DOCK7: variants seen among roughly 807,000 people sequenced by gnomAD.
DOCK7 encodes the protein dedicator of cytokinesis 7, also known as dedicator of cytokinesis protein 7.
DOCK7 carries 138 observed loss-of-function variants against 271.0 expected under a neutral mutation model. The observed-to-expected ratio is 0.51, with a 90% CI of 0.44 to 0.59. DOCK7 has a LOEUF of 0.59. Among genes scored for constraint, DOCK7 ranks in the 20% least tolerant of loss-of-function variants. The pLI is 0.00. For synonymous variants in DOCK7, 823 were observed against 876.1 expected, an observed-to-expected ratio of 0.94 and a Z score of 1.07; for missense variants, 2,066 against 2,592.4, an observed-to-expected ratio of 0.80 and a Z score of 4.41.
At chr1:62,576,860 C>A (rs1378585944) in intron 18 of DOCK7, among the ~76,000 whole-genome samples, 1 of 152,118 alleles carries the variant, frequency 6.6e-6, no homozygotes, top group Non-Finnish European at 1.5e-5. Context: ...CAAAAAGATT[C>A]TAAAAAATTA....
rs1360634942 is a variant in DOCK7 at position 62,664,686 on chromosome 1, T to C, written c.39-1556A>G. On this transcript the variant is annotated intron_variant, in intron 1 of 49. Transcript: ENST00000635253. ...AAAGCAAGATGCTAACTGGAGAAAT[T>C]TGGGAGAGAAGAGAGAATGTATAAG... is the stretch of plus-strand genomic sequence containing the variant. Among the ~76,000 whole-genome samples, 3 of 152,046 alleles carry C rather than the reference T, an allele frequency of 2.0e-5. 1 individual carries two copies. The South Asian group carries it at 6.2e-4, about 32-fold the overall frequency.
chr1:62,559,465 GTTTGC>G (rs2149440147), intron 19 of DOCK7, among the ~76,000 whole-genome samples: 1 of 149,418 alleles, frequency 6.7e-6, no homozygotes, highest in Non-Finnish European at 1.5e-5. Flanking sequence ...TTTAGTTTTA[GTTTGC>G]TTTATTAGTT....
In DOCK7 at chr1:62,636,420, C is replaced by T. The variant is rs1029172849; in HGVS notation, c.885+117G>A. ...GTCCTAATAAGTTAAATTTCTATTTCCTTTTTAAAAAGATCTATGTTTAAC... is the reference window on the plus strand; with the variant it reads ...GTCCTAATAAGTTAAATTTCTATTTTCTTTTTAAAAAGATCTATGTTTAAC... On this transcript the variant is annotated intron_variant, in intron 8 of 49. Coordinates refer to ENST00000635253, the MANE Select transcript of DOCK7 (RefSeq NM_001367561.1). 2.1e-5 allele frequency: 16 copies of T among 744,460 alleles called. No individual in the cohort carries two copies. In the African/African-American group the frequency reaches 2.6e-4, roughly 12 times the overall value. The allele number at this position is 744,460 out of a possible 1,614,324, so 46.1% of individuals were successfully genotyped here. A position where few individuals can be genotyped will look rare whatever the true frequency, so the allele number is the denominator to read the frequency against.
At chr1:62,588,397 G>A (rs1161330955) in intron 14 of DOCK7, among the ~76,000 whole-genome samples, 1 of 152,136 alleles carries the variant, frequency 6.6e-6, no homozygotes, top group East Asian at 1.9e-4. Context: ...GAAAAAATAG[G>A]TACCTAGCTG....
At chr1:62,455,495 A>T (rs1645322070) in intron 49 of DOCK7, 39 bp from the exon 50 acceptor site, 2 of 1,593,720 alleles carry the variant, frequency 1.3e-6, no homozygotes, top group East Asian at 4.5e-5. Context: ...GTTAAAGAGA[A>T]CAATTTTTGC....
chr1:62,502,710 C>T (rs1000135330), intron 37 of DOCK7, among the ~76,000 whole-genome samples: 4 of 152,016 alleles, frequency 2.6e-5, no homozygotes, highest in Non-Finnish European at 5.9e-5. Flanking sequence ...ACACTACATC[C>T]CCAAAACAAG....
At chr1:62,552,958 G>A (rs1487464543) in intron 21 of DOCK7, 57 bp from the exon 22 acceptor site, 5 of 1,297,082 alleles carry the variant, frequency 3.9e-6, no homozygotes, top group South Asian at 2.6e-5. Context: ...GAAAGGATCT[G>A]AAAAAAAATC....
rs1335970639 is a variant in DOCK7, at chr1:62,639,952, C to A, written c.819-3349G>T. On this transcript the variant is annotated intron_variant, in intron 7 of 49. Transcript: ENST00000635253. The stretch of plus-strand genomic sequence containing the variant: ...TGGATTCAGTACACAATTTGAGCAA[C>A]TGCAAAAAAAATGAATGCCACATTA... Among the ~76,000 whole-genome samples, 3 of 149,774 alleles carry A rather than the reference C, an allele frequency of 2.0e-5. No individual in the cohort carries two copies. The East Asian group carries it at 5.9e-4, about 29-fold the overall frequency.
intron 2 of DOCK7, among the ~76,000 whole-genome samples, chr1:62,656,052 A>C (rs917014907): frequency 6.6e-6 from 1 of 152,308 alleles, no homozygotes; most frequent in Middle Eastern, 3.4e-3. Flanking sequence ...AAATTATTCT[A>C]TGATGTTCTT....
chr1:62,511,767 C>A (rs987523210), intron 33 of DOCK7, among the ~76,000 whole-genome samples: 2 of 151,486 alleles, frequency 1.3e-5, no homozygotes, highest in Non-Finnish European at 1.5e-5. Flanking sequence ...TGGAAAAAAA[C>A]AAAAAGATAT....
At chr1:62,498,865 G>C (rs1258651451) in intron 37 of DOCK7, among the ~76,000 whole-genome samples, 1 of 151,552 alleles carries the variant, frequency 6.6e-6, no homozygotes, top group African/African-American at 2.4e-5. Context: ...GAAGTGGCGT[G>C]ATCTTGGTTC....
Position 62,688,259 on chromosome 1 carries a change from G to A in DOCK7, c.6C>T (p.Ala2=). The A allele has an allele frequency of 7.4e-7, 1 of 1,345,926 alleles. No individual in the cohort carries two copies. The highest frequency in any genetic ancestry group is 9.7e-7 in the Non-Finnish European group (1 of 1,035,406). The allele number at this position is 1,345,926 out of a possible 1,614,324, so 83.4% of individuals were successfully genotyped here. Residue 2 remains alanine, a synonymous_variant, in exon 1 of 50, where the codon GCC becomes GCT. Coordinates refer to ENST00000635253, the MANE Select transcript of DOCK7 (RefSeq NM_001367561.1). ...TCTTCTGGGCGAAGGCGCGGCGCTC[G>A]GCCATGGCTGCTGCGGCGACGGCGA... The part of the protein sequence containing the change: M[A]ERRAFAQKIS...
intron 36 of DOCK7, 141 bp from the exon 37 acceptor site, chr1:62,504,923 T>C (rs1189944800): frequency 9.5e-7 from 1 of 1,047,358 alleles, no homozygotes; most frequent in Admixed American, 3.0e-5. Flanking sequence ...TAATGGTTAA[T>C]AGTGTGAGAC....
At chr1:62,590,998 C>T (rs1378073623) in intron 14 of DOCK7, among the ~76,000 whole-genome samples, 3 of 151,992 alleles carry the variant, frequency 2.0e-5, no homozygotes, top group Non-Finnish European at 2.9e-5. Context: ...TGTATATACC[C>T]GGAGGAATAT....
intron 46 of DOCK7, 114 bp from the exon 47 acceptor site, chr1:62,475,465 A>G: frequency 1.5e-6 from 2 of 1,328,082 alleles, no homozygotes. Context: ...ACTTTCATGT[A>G]ACAATAAAAT....
intron 33 of DOCK7, among the ~76,000 whole-genome samples, chr1:62,512,483 T>C (rs1557648895): frequency 6.6e-6 from 1 of 152,200 alleles, no homozygotes; most frequent in Non-Finnish European, 1.5e-5. Flanking sequence ...GTTATTTGGC[T>C]AATGGGTAGC....
At chr1:62,533,412 T>C (rs1645238854) in intron 29 of DOCK7, among the ~76,000 whole-genome samples, 1 of 146,478 alleles carries the variant, frequency 6.8e-6, no homozygotes, top group South Asian at 2.2e-4. Flanking sequence ...AGAGTGTTTT[T>C]TCCCCAAATA....
chr1:62,504,630 A>C lies in DOCK7; in HGVS notation c.4764T>G (p.Asn1588Lys). Reference sequence around the variant, plus strand: ...AGAATTTTCATGATAAAATACTTACATTCCCAATCTCAAAGTTTTGCCTCA... The same window carrying C: ...AGAATTTTCATGATAAAATACTTACCTTCCCAATCTCAAAGTTTTGCCTCA... Reference protein sequence around the residue: ...LLMRQNFEIGNNFARVKMQVT... With the variant: ...LLMRQNFEIGKNFARVKMQVT... Residue 1588 changes from asparagine (N) to lysine (K), a missense_variant and splice_region_variant, in exon 37 of 50, where the codon AAT becomes AAG. Around this residue, in one of 2 missense-constraint regions of DOCK7, gnomAD observed 652 missense variants for 922.1 expected, o/e 0.71. Transcript: ENST00000635253. 4 of 1,608,898 alleles carry C rather than the reference A, an allele frequency of 2.5e-6. No homozygotes were observed. The highest frequency in any genetic ancestry group is 3.4e-6 in the Non-Finnish European group (4 of 1,178,528).
chr1:62,475,445 T>A (rs1222647340), intron 46 of DOCK7, 94 bp from the exon 47 acceptor site: 113 of 1,379,982 alleles, frequency 8.2e-5, no homozygotes, highest in Non-Finnish European at 1.1e-4. Context: ...AAAAAAAAGA[T>A]CAATTGTAAA....
Sources: gnomAD v4.1 joint callset for allele counts (sites outside exome capture counted in the v4.1 genomes callset) on GRCh38, gnomAD v4.1.1 for gene constraint, gnomAD v4.1.1 regional missense constraint, MANE v1.5 for transcripts, NCBI Gene and HGNC (gene_info 2026-07-23, HGNC 2026-07-21) for gene names.